The following CAPN5 variants were observed in gnomAD, a reference collection of about 807,000 sequenced individuals.
CAPN5 encodes calpain-5.
A neutral mutation model predicts 73.0 loss-of-function variants in CAPN5; 54 were observed. The observed-to-expected ratio is 0.74, with a 90% confidence interval of 0.59 to 0.93. The LOEUF is 0.93. CAPN5 is among the 40% of genes least tolerant of loss of function. CAPN5 has a pLI of 0.00. For synonymous variants in CAPN5, 335 were observed against 356.9 expected (o/e 0.94, Z 0.69); for missense variants, 785 against 882.9 (o/e 0.89, Z 1.41).
At chr11:77,085,615 C>T (rs1266553438) in intron 2 of CAPN5, among the ~76,000 whole-genome samples, 1 of 152,126 alleles carries the variant, frequency 6.6e-6, no homozygotes, top group Non-Finnish European at 1.5e-5. Flanking sequence ...CAGTACGGGA[C>T]CATGGATACT....
chr11:77,119,521 C>T (rs190621885), intron 9 of CAPN5: 5 of 240,604 alleles, frequency 2.1e-5, no homozygotes, highest in East Asian at 9.4e-5. Context: ...CCCCTTGCAG[C>T]CCCTTAGCCT....
intron 2 of CAPN5, chr11:77,088,157 G>T: frequency 6.7e-5 from 83 of 1,239,462 alleles, no homozygotes; most frequent in Non-Finnish European, 8.0e-5. Context: ...TCCTTTGGTG[G>T]AATGCACAGG....
rs139339706 is a variant in CAPN5 at position 77,124,051 on chromosome 11, C to T, written c.*181C>T. 1,829 of 612,260 alleles carry T rather than the reference C, an allele frequency of 3.0e-3. 9 individuals are homozygous for T. The highest frequency in any genetic ancestry group is 4.0e-3 in the Non-Finnish European group (1,426 of 352,582). 37.9% of individuals were successfully genotyped at this position (612,260 alleles called of 1,614,324 possible). ...CCTCAGTGTCCCGAGGGCCCCGAAG[C>T]ATTCCATTCTCGTGGAGGAGTTTCC... On this transcript the variant is annotated 3_prime_UTR_variant, in exon 13 of 13. Transcript: ENST00000648180.
At chr11:77,102,020 G>A (rs1198916893) in intron 3 of CAPN5, among the ~76,000 whole-genome samples, 1 of 152,162 alleles carries the variant, frequency 6.6e-6, no homozygotes, top group Non-Finnish European at 1.5e-5. Flanking sequence ...AATGCTCAAG[G>A]CACAGTCCCT....
chr11:77,093,106 C>G (rs1950166438), intron 2 of CAPN5, among the ~76,000 whole-genome samples: 1 of 152,250 alleles, frequency 6.6e-6, no homozygotes, highest in African/African-American at 2.4e-5. Flanking sequence ...GGAATGACAA[C>G]TCCTCGCTCC....
At chr11:77,067,784 C>T (rs1324498342) in intron 1 of CAPN5, among the ~76,000 whole-genome samples, 1 of 151,728 alleles carries the variant, frequency 6.6e-6, no homozygotes, top group Non-Finnish European at 1.5e-5. Context: ...CCTAGGGGAC[C>T]AGAGGCGAAA....
intron 1 of CAPN5, among the ~76,000 whole-genome samples, chr11:77,069,299 G>GT (rs1949877604): frequency 6.6e-6 from 1 of 152,170 alleles, no homozygotes; most frequent in African/African-American, 2.4e-5. Context: ...TAAGTACATG[G>GT]TGTCTGGTAG....
At chr11:77,106,674 C>T (rs1435006474) in intron 3 of CAPN5, among the ~76,000 whole-genome samples, 8 of 152,244 alleles carry the variant, frequency 5.3e-5, no homozygotes, top group Non-Finnish European at 7.3e-5. Flanking sequence ...GGAGCCTGCA[C>T]ACAGTCACCC....
chr11:77,084,774 C>T (rs1383242564), intron 1 of CAPN5, 78 bp from the exon 2 acceptor site: 1 of 1,292,972 alleles, frequency 7.7e-7, no homozygotes, highest in Admixed American at 1.8e-5. Flanking sequence ...TGCCATGGGG[C>T]TGATGATGTC....
intron 3 of CAPN5, among the ~76,000 whole-genome samples, chr11:77,097,616 G>A (rs1405821898): frequency 5.2e-5 from 6 of 115,530 alleles, no homozygotes; most frequent in Non-Finnish European, 1.8e-5. Context: ...AGGACCCTGC[G>A]GCCTTCCGCA....
intron 3 of CAPN5, among the ~76,000 whole-genome samples, chr11:77,111,520 A>T (rs1950410187): frequency 6.6e-6 from 1 of 152,226 alleles, no homozygotes; most frequent in Admixed American, 6.5e-5. Flanking sequence ...AAGTCATGGT[A>T]GTCACAGGCA....
chr11:77,119,023 C>T lies in CAPN5; in HGVS notation c.1168-7C>T, dbSNP rs1305646517. On this transcript the variant is annotated splice_polypyrimidine_tract_variant and splice_region_variant and intron_variant, in intron 8 of 12. Transcript: ENST00000648180. ...GTGTCTCTCTCTCTCCTTGGCCACACCTGCAGTACATCTTCGAAGTCAAGA... is the reference window on the plus strand; with the variant it reads ...GTGTCTCTCTCTCTCCTTGGCCACATCTGCAGTACATCTTCGAAGTCAAGA... 1 of 1,610,122 alleles carries T rather than the reference C, an allele frequency of 6.2e-7. No homozygotes were observed. Among genetic ancestry groups the T allele is most frequent in the Non-Finnish European group, 8.5e-7 (1 of 1,178,204 alleles).
chr11:77,095,666 G>A (rs1249754604), intron 3 of CAPN5, among the ~76,000 whole-genome samples: 4 of 152,210 alleles, frequency 2.6e-5, no homozygotes, highest in African/African-American at 9.6e-5. Context: ...GTCTCCCCAG[G>A]AGAGGCCATC....
At chr11:77,114,877 A>G (rs1591144565) in intron 5 of CAPN5, among the ~76,000 whole-genome samples, 1 of 147,194 alleles carries the variant, frequency 6.8e-6, no homozygotes, top group African/African-American at 2.5e-5. Context: ...CTGATTTCCA[A>G]CTACCCACAT....
At chr11:77,098,068 C>A (rs868966530) in intron 3 of CAPN5, among the ~76,000 whole-genome samples, 7 of 88,546 alleles carry the variant, frequency 7.9e-5, no homozygotes, top group East Asian at 4.0e-4. Context: ...CGCCCCTCAC[C>A]TCCCGGACGG....
chr11:77,103,021 A>C, intron 3 of CAPN5: 2 of 1,613,566 alleles, frequency 1.2e-6, no homozygotes, highest in East Asian at 4.5e-5. Flanking sequence ...ACCCAGCAGC[A>C]GCGGCTACAG....
chr11:77,102,503 C>T (rs1275827163), intron 3 of CAPN5, among the ~76,000 whole-genome samples: 2 of 152,240 alleles, frequency 1.3e-5, no homozygotes, highest in Non-Finnish European at 2.9e-5. Context: ...TCTTCACAAA[C>T]AAGCCAGCAC....
intron 2 of CAPN5, among the ~76,000 whole-genome samples, chr11:77,090,443 C>T (rs782305180): frequency 3.3e-5 from 5 of 152,356 alleles, no homozygotes; most frequent in South Asian, 2.1e-4. Context: ...ATCTGCACCT[C>T]GGGTCTGCCC....
chr11:77,075,946 A>C lies in CAPN5; in HGVS notation c.-36+8852A>C, dbSNP rs542822283. ...AAAATGGATTTTTTAAATAGATAAA[A>C]ATTGTATATGTTTATCATGTACAAT... On this transcript the variant is annotated intron_variant, in intron 1 of 12. Transcript: ENST00000648180. Among the ~76,000 whole-genome samples the C allele has an allele frequency of 3.9e-5, 6 of 152,296 alleles. No individual in the cohort carries two copies. In the South Asian group the frequency reaches 1.2e-3, roughly 32 times the overall value.
Sources: gnomAD v4.1 joint callset for allele counts (sites outside exome capture counted in the v4.1 genomes callset) on GRCh38, gnomAD v4.1.1 for gene constraint, MANE v1.5 for transcripts, NCBI Gene and HGNC (gene_info 2026-07-23, HGNC 2026-07-21) for gene names.